Variants in CRPPA observed in about 807,000 individuals in gnomAD.
CRPPA encodes CDP-L-ribitol pyrophosphorylase A.
A neutral mutation model predicts 52.0 loss-of-function variants in CRPPA; 43 were observed. That is an observed-to-expected ratio of 0.83 (90% confidence interval 0.65 to 1.07). The LOEUF (loss-of-function observed/expected upper bound fraction) is 1.07, where lower values mean the gene tolerates loss of function less well. CRPPA is among the 50% of genes least tolerant of loss of function. The pLI is 0.00. For missense variants in CRPPA, 629 were observed against 551.7 expected, an observed-to-expected ratio of 1.14 and a Z score of -1.40; for synonymous variants, 250 against 203.5, an observed-to-expected ratio of 1.23 and a Z score of -1.94.
chr7:16,241,082 GTTGC>G (rs1783094122), intron 8 of CRPPA, among the ~76,000 whole-genome samples: 1 of 152,104 alleles, frequency 6.6e-6, no homozygotes, highest in South Asian at 2.1e-4. Flanking sequence ...GATTGATTCA[GTTGC>G]TGGCTCTGCC....
Position 16,327,037 on chromosome 7 carries a change from G to C in CRPPA, c.685-18410C>G, listed in dbSNP as rs142089934. 1.7e-3 allele frequency among the ~76,000 whole-genome samples: 254 copies of C among 152,248 alleles called. 1 individual carries two copies. The highest frequency in any genetic ancestry group is 5.8e-3 in the African/African-American group (243 of 41,558). ...CAGTGAAAATTAGTGTCTGGAGTAA[G>C]ACATGCTAGCTCGTTTTTGCCACAA... On this transcript the variant is annotated intron_variant, in intron 3 of 9. Transcript: ENST00000407010.
At chr7:16,226,616 A>G (rs1011975409) in intron 8 of CRPPA, among the ~76,000 whole-genome samples, 1 of 151,914 alleles carries the variant, frequency 6.6e-6, no homozygotes, top group African/African-American at 2.4e-5. Context: ...CAGTTTAGCT[A>G]TATTTCAAGA....
chr7:16,200,156 C>T (rs1489030988), intron 9 of CRPPA, among the ~76,000 whole-genome samples: 1 of 152,176 alleles, frequency 6.6e-6, no homozygotes, highest in Non-Finnish European at 1.5e-5. Context: ...CTCTGCCCGG[C>T]CAGATCTGTA....
intron 9 of CRPPA, among the ~76,000 whole-genome samples, chr7:16,180,691 G>C (rs564230142): frequency 2.0e-5 from 3 of 152,098 alleles, no homozygotes; most frequent in Admixed American, 2.0e-4. Context: ...AATTGTTACA[G>C]TCAGCTTTTT....
At chr7:16,201,764 T>G (rs1176572637) in intron 9 of CRPPA, among the ~76,000 whole-genome samples, 1 of 152,190 alleles carries the variant, frequency 6.6e-6, no homozygotes, top group East Asian at 1.9e-4. Flanking sequence ...CAGCTGCAAC[T>G]GTATGTTGCT....
chr7:16,389,327 C>G (rs1300462197), intron 2 of CRPPA, among the ~76,000 whole-genome samples: 1 of 152,002 alleles, frequency 6.6e-6, no homozygotes, highest in East Asian at 1.9e-4. Flanking sequence ...AGTTTGTAAA[C>G]AATGCAAAAA....
At chr7:16,376,440 T>C (rs1583558921) in intron 2 of CRPPA, among the ~76,000 whole-genome samples, 199 bp from the exon 3 acceptor site, 2 of 152,254 alleles carry the variant, frequency 1.3e-5, no homozygotes, top group East Asian at 3.9e-4. Context: ...TACAGTTCCA[T>C]ACATTAAGGT....
chr7:16,373,839 G>A (rs1458327448), intron 3 of CRPPA, among the ~76,000 whole-genome samples: 1 of 152,182 alleles, frequency 6.6e-6, no homozygotes, highest in Non-Finnish European at 1.5e-5. Flanking sequence ...TCAGCATATA[G>A]AATGGCAGTT....
intron 9 of CRPPA, among the ~76,000 whole-genome samples, chr7:16,171,656 G>C (rs1781190020): frequency 6.6e-6 from 1 of 152,144 alleles, no homozygotes; most frequent in African/African-American, 2.4e-5. Flanking sequence ...AGCTGGGCAT[G>C]GTGGCGGGTG....
intron 2 of CRPPA, among the ~76,000 whole-genome samples, chr7:16,383,230 G>C (rs910754646): frequency 9.9e-5 from 15 of 152,196 alleles, no homozygotes; most frequent in Non-Finnish European, 2.1e-4. Context: ...CTCAGCTGCA[G>C]GTCTGTTGGA....
At chr7:16,364,181 T>C (rs1403205600) in intron 3 of CRPPA, among the ~76,000 whole-genome samples, 2 of 152,186 alleles carry the variant, frequency 1.3e-5, no homozygotes, top group Admixed American at 1.3e-4. Flanking sequence ...CTTTTTACAT[T>C]AAGGCATAAA....
intron 3 of CRPPA, among the ~76,000 whole-genome samples, chr7:16,341,741 A>G (rs2526604): frequency 0.47 from 71,450 of 151,990 alleles, 17,008 homozygotes; most frequent in African/African-American, 0.54. Context: ...ATATTTTACA[A>G]TAAGACTTAT....
intron 3 of CRPPA, among the ~76,000 whole-genome samples, chr7:16,325,602 G>T (rs1225646441): frequency 6.6e-6 from 1 of 152,104 alleles, no homozygotes; most frequent in African/African-American, 2.4e-5. Context: ...ACAACCATTT[G>T]TAAATGTGCC....
Position 16,088,778 on chromosome 7 carries a change from C to T in CRPPA, c.*2917G>A, listed in dbSNP as rs1781752609. The T allele has an allele frequency of 6.2e-6, 1 of 160,438 alleles. No homozygotes were observed. Among genetic ancestry groups the T allele is most frequent in the South Asian group, 1.7e-4 (1 of 5,922 alleles). The allele number at this position is 160,438 out of a possible 1,614,324, so 9.9% of individuals were successfully genotyped here. On this transcript the variant is annotated 3_prime_UTR_variant, in exon 10 of 10. Transcript: ENST00000407010. ...CCAATACTTCTATTCATTCCCTTAA[C>T]TTTAGCTACAATTTCTTTATGCTGG...
chr7:16,378,267 C>A (rs183246368), intron 2 of CRPPA, among the ~76,000 whole-genome samples: 14 of 107,082 alleles, frequency 1.3e-4, no homozygotes, highest in Admixed American at 3.3e-4. Context: ...CCCCTCCCCC[C>A]ACCCCACAAC....
In CRPPA at chr7:16,320,104, A is replaced by G. The variant is rs983382630; in HGVS notation, c.685-11477T>C. 1.2e-4 allele frequency among the ~76,000 whole-genome samples: 18 copies of G among 152,138 alleles called. No individual in the cohort carries two copies. In the East Asian group the frequency reaches 1.4e-3, roughly 11 times the overall value. ...TTCATTTGTCATTGTCACCTCTCCT[A>G]TTCTTTTGAGGATTTGTCATTTTTA... is the stretch of plus-strand genomic sequence containing the variant. On this transcript the variant is annotated intron_variant, in intron 3 of 9. Transcript: ENST00000407010.
chr7:16,183,374 G>C (rs1781448088), intron 9 of CRPPA, among the ~76,000 whole-genome samples: 1 of 152,160 alleles, frequency 6.6e-6, no homozygotes, highest in Non-Finnish European at 1.5e-5. Context: ...TGGCCATACT[G>C]AGAAAAGTAC....
chr7:16,199,813 A>T, intron 9 of CRPPA, among the ~76,000 whole-genome samples: 1 of 149,242 alleles, frequency 6.7e-6, no homozygotes, highest in African/African-American at 2.5e-5. Context: ...TTCCACTCTA[A>T]TTTATTCCAA....
At position 16,090,262 on chromosome 7, in the gene CRPPA, T is replaced by C. The variant is rs985852715; in HGVS notation, c.*1433A>G. 1.3e-5 allele frequency: 2 copies of C among 152,168 alleles called. No homozygotes were observed. Among genetic ancestry groups the C allele is most frequent in the African/African-American group, 4.8e-5 (2 of 41,436 alleles). 9.4% of individuals were successfully genotyped at this position (152,168 alleles called of 1,614,324 possible). Reference sequence around the variant, plus strand: ...AATATAAACTCTCCTACTATATATATACTTGAACACTAGAGGGAAAATCAC... The same window carrying C: ...AATATAAACTCTCCTACTATATATACACTTGAACACTAGAGGGAAAATCAC... On this transcript the variant is annotated 3_prime_UTR_variant, in exon 10 of 10. Transcript: ENST00000407010.
Sources: allele counts gnomAD v4.1 joint callset (sites outside exome capture counted in the v4.1 genomes callset), GRCh38; gene constraint gnomAD v4.1.1; transcripts MANE v1.5; gene names NCBI Gene and HGNC (gene_info 2026-07-23, HGNC 2026-07-21).